Variants in CASTOR2 observed in about 807,000 individuals in gnomAD.
CASTOR2 encodes the protein GATS protein like 2.
Under a neutral mutation model 31.2 loss-of-function variants are expected in CASTOR2, and 8 were observed. The observed-to-expected ratio is 0.26, with a 90% confidence interval of 0.15 to 0.46. The LOEUF (loss-of-function observed/expected upper bound fraction) is 0.46. Among genes scored for constraint, CASTOR2 ranks in the 20% least tolerant of loss-of-function variants. The probability of loss-of-function intolerance (pLI) is 0.99; values close to 1 mark genes in which losing one functional copy is unlikely to be tolerated. For missense variants in CASTOR2, 216 were observed against 382.1 expected, an observed-to-expected ratio of 0.57 and a Z score of 3.62; for synonymous variants, 162 against 158.7, an observed-to-expected ratio of 1.02 and a Z score of -0.16.
At chr7:75,017,541 C>T in intron 2 of CASTOR2, 57 bp from the exon 3 acceptor site, 1 of 1,591,522 alleles carries the variant, frequency 6.3e-7, no homozygotes, top group Non-Finnish European at 8.6e-7. Flanking sequence ...CTTGCCCTGC[C>T]CTTGGGTCAT....
In CASTOR2 at chr7:75,027,932, GC is replaced by G; in HGVS notation, c.*3237del. On this transcript the variant is annotated 3_prime_UTR_variant, in exon 9 of 9. Transcript: ENST00000616305. ...CTGCTGGGTGGGAGGGTCTCTCCAGGCCCCAGACCCCACTTGGAGGGGCATG... is the reference window on the plus strand; with the variant it reads ...CTGCTGGGTGGGAGGGTCTCTCCAGGCCCAGACCCCACTTGGAGGGGCATG... 7.7e-7 allele frequency: 1 copy of G among 1,305,436 alleles called. No homozygotes were observed. Among genetic ancestry groups the G allele is most frequent in the Non-Finnish European group, 1.1e-6 (1 of 938,960 alleles). The allele number at this position is 1,305,436 out of a possible 1,614,324, so 80.9% of individuals were successfully genotyped here. A position where few individuals can be genotyped will look rare whatever the true frequency, so the allele number is the denominator to read the frequency against.
At chr7:74,992,447 A>AT (rs587742262) in intron 1 of CASTOR2, among the ~76,000 whole-genome samples, 44 of 149,982 alleles carry the variant, frequency 2.9e-4, no homozygotes, top group African/African-American at 4.2e-4. Flanking sequence ...ACACGAAAAG[A>AT]TTTTTTTTTT....
At chr7:74,973,060 C>A (rs1803715616) in intron 1 of CASTOR2, among the ~76,000 whole-genome samples, 2 of 149,680 alleles carry the variant, frequency 1.3e-5, no homozygotes, top group Middle Eastern at 3.2e-3. Flanking sequence ...CCTCGCAACA[C>A]ATTGGGCTGA....
intron 1 of CASTOR2, among the ~76,000 whole-genome samples, chr7:74,975,391 A>G (rs1183819059): frequency 7.6e-5 from 11 of 145,096 alleles, no homozygotes; most frequent in Admixed American, 2.1e-4. Context: ...GATTACAGGC[A>G]TGAGCCACTG....
chr7:74,985,988 C>T (rs1349269942), intron 1 of CASTOR2, among the ~76,000 whole-genome samples: 1 of 152,056 alleles, frequency 6.6e-6, no homozygotes, highest in African/African-American at 2.4e-5. Context: ...AGGGCAGTGG[C>T]ATTATCTCGG....
intron 7 of CASTOR2, among the ~76,000 whole-genome samples, chr7:75,023,683 A>C (rs1022968925): frequency 2.1e-4 from 32 of 151,068 alleles, no homozygotes; most frequent in African/African-American, 6.6e-4. Context: ...CAAGTGATCC[A>C]CCCGCCTCGG....
chr7:75,026,792 G>A lies in CASTOR2; in HGVS notation c.*2093G>A, dbSNP rs1805147166. 6.6e-6 allele frequency among the ~76,000 whole-genome samples: 1 copy of A among 152,070 alleles called. No homozygotes were observed. The highest frequency in any genetic ancestry group is 1.5e-5 in the Non-Finnish European group (1 of 68,018). On this transcript the variant is annotated 3_prime_UTR_variant, in exon 9 of 9. Transcript: ENST00000616305. ...AGCCCTGAGTCCCCTTTCTGACCTT[G>A]CAAGGCCTTGATTTTCCTTTCTGTC...
At chr7:74,986,727 C>T (rs1176926839) in intron 1 of CASTOR2, among the ~76,000 whole-genome samples, 3 of 152,066 alleles carry the variant, frequency 2.0e-5, no homozygotes, top group Admixed American at 6.6e-5. Context: ...CTGCACACCA[C>T]GTATGTCTGG....
chr7:75,031,458 C>T lies in CASTOR2; in HGVS notation c.*6759C>T, dbSNP rs1655826064. ...ACTGTATGTTGGAGAAAAAAAATTA[C>T]CTAATGTTCCCCCAAAAAAGACAGT... is the stretch of plus-strand genomic sequence containing the variant. On this transcript the variant is annotated 3_prime_UTR_variant, in exon 9 of 9. Coordinates refer to ENST00000616305, the MANE Select transcript of CASTOR2 (RefSeq NM_001145064.3). 1.3e-5 allele frequency among the ~76,000 whole-genome samples: 2 copies of T among 152,152 alleles called. No individual in the cohort carries two copies. Among genetic ancestry groups the T allele is most frequent in the South Asian group, 4.1e-4 (2 of 4,826 alleles).
In CASTOR2 at chr7:74,973,066, G is replaced by A. The variant is rs1331486431; in HGVS notation, c.113+7968G>A. On this transcript the variant is annotated intron_variant, in intron 1 of 8. Coordinates refer to ENST00000616305, the MANE Select transcript of CASTOR2 (RefSeq NM_001145064.3). ...GCCCTCATTCCTCGCAACACATTGG[G>A]CTGAGGCCACTGTCTAATTGCAGTT... 6.0e-5 allele frequency among the ~76,000 whole-genome samples: 9 copies of A among 149,778 alleles called. No homozygotes were observed. The South Asian group carries it at 1.9e-3, about 32-fold the overall frequency.
intron 1 of CASTOR2, among the ~76,000 whole-genome samples, chr7:74,987,158 A>G (rs1442673715): frequency 1.3e-5 from 2 of 152,030 alleles, no homozygotes; most frequent in African/African-American, 2.4e-5. Context: ...TAATCTCAGC[A>G]CTTCGGGAGG....
chr7:74,999,438 A>C (rs1481793810), intron 1 of CASTOR2, among the ~76,000 whole-genome samples: 2 of 151,922 alleles, frequency 1.3e-5, no homozygotes, highest in African/African-American at 4.8e-5. Context: ...AGGAGAAATG[A>C]AATGTAAATA....
chr7:75,009,423 A>C (rs1401594658), intron 2 of CASTOR2, among the ~76,000 whole-genome samples: 1 of 148,952 alleles, frequency 6.7e-6, no homozygotes, highest in African/African-American at 2.5e-5. Context: ...GCCCGCCACC[A>C]CGCCCGGCTA....
chr7:74,988,589 A>G (rs2131928125), intron 1 of CASTOR2, among the ~76,000 whole-genome samples: 1 of 151,814 alleles, frequency 6.6e-6, no homozygotes, highest in South Asian at 2.1e-4. Flanking sequence ...GAGCCACCGC[A>G]CCCGGCCCAC....
intron 1 of CASTOR2, among the ~76,000 whole-genome samples, chr7:74,985,987 G>A (rs1804054445): frequency 2.0e-5 from 3 of 152,010 alleles, no homozygotes; most frequent in African/African-American, 7.2e-5. Context: ...GAGGGCAGTG[G>A]CATTATCTCG....
chr7:75,016,272 C>T (rs1431047633), intron 2 of CASTOR2, among the ~76,000 whole-genome samples: 32 of 152,336 alleles, frequency 2.1e-4, no homozygotes, highest in African/African-American at 7.7e-4. Context: ...TTCAGGGCTA[C>T]TCAGGGTCTC....
intron 1 of CASTOR2, among the ~76,000 whole-genome samples, chr7:75,003,212 C>A (rs1804535542): frequency 6.6e-6 from 1 of 152,076 alleles, no homozygotes; most frequent in African/African-American, 2.4e-5. Context: ...TTTGGGAGGC[C>A]AAGGCAGAAG....
At chr7:75,022,744 A>G (rs1225532036) in intron 7 of CASTOR2, among the ~76,000 whole-genome samples, 1 of 152,196 alleles carries the variant, frequency 6.6e-6, no homozygotes, top group African/African-American at 2.4e-5. Context: ...GGTTGCGATG[A>G]GCCAAGATCG....
intron 1 of CASTOR2, among the ~76,000 whole-genome samples, chr7:74,988,601 C>A (rs1214096583): frequency 6.6e-6 from 1 of 151,880 alleles, no homozygotes; most frequent in Non-Finnish European, 1.5e-5. Context: ...CCGGCCCACG[C>A]TCCTTTTTTT....
Sources: allele counts gnomAD v4.1 joint callset (sites outside exome capture counted in the v4.1 genomes callset), GRCh38; gene constraint gnomAD v4.1.1; transcripts MANE v1.5; gene names NCBI Gene and HGNC (gene_info 2026-07-23, HGNC 2026-07-21).